PPM1B: variants seen among roughly 807,000 people sequenced by gnomAD.
The protein encoded by PPM1B is protein phosphatase, Mg2+/Mn2+ dependent 1B.
Under a neutral mutation model 43.0 loss-of-function variants are expected in PPM1B, and 22 were observed. The ratio of observed to expected loss-of-function variants is 0.51; its 90% CI spans 0.37 to 0.73. The LOEUF is 0.73. Ranked by LOEUF, PPM1B falls within the 30% of genes least tolerant of loss-of-function variation. PPM1B has a pLI of 0.00. For missense variants in PPM1B, 632 were observed against 584.2 expected (o/e 1.08, Z -0.84); for synonymous variants, 217 against 197.9 (o/e 1.10, Z -0.81).
intron 3 of PPM1B, among the ~76,000 whole-genome samples, chr2:44,211,482 G>A (rs924796682): frequency 6.6e-6 from 1 of 152,256 alleles, no homozygotes; most frequent in East Asian, 1.9e-4. Flanking sequence ...AATCAGGGAG[G>A]CATGTGATGT....
rs1034743003 is a variant in PPM1B at position 44,183,952 on chromosome 2, A to G, written c.-15+14678A>G. ...ATGGGGTTTCACCGTGTTAGCCAGTATGGTCTCGATCTCCTGACCTCGTGA... is the reference window on the plus strand; with the variant it reads ...ATGGGGTTTCACCGTGTTAGCCAGTGTGGTCTCGATCTCCTGACCTCGTGA... On this transcript the variant is annotated intron_variant, in intron 1 of 5. Coordinates refer to ENST00000282412, the MANE Select transcript of PPM1B (RefSeq NM_002706.6). Among the ~76,000 whole-genome samples the G allele has an allele frequency of 2.6e-5, 4 of 152,060 alleles. No individual in the cohort carries two copies. In the South Asian group the frequency reaches 6.2e-4, roughly 24 times the overall value.
intron 1 of PPM1B, among the ~76,000 whole-genome samples, chr2:44,175,258 A>AG (rs1283765061): frequency 6.6e-5 from 10 of 151,826 alleles, no homozygotes; most frequent in Admixed American, 3.3e-4. Flanking sequence ...TCTCAAAAAA[A>AG]ACAAAAGTGG....
At chr2:44,171,193 G>A (rs1667324398) in intron 1 of PPM1B, among the ~76,000 whole-genome samples, 2 of 152,172 alleles carry the variant, frequency 1.3e-5, no homozygotes, top group Admixed American at 1.3e-4. Flanking sequence ...TACACTGGGT[G>A]TCTGATTTCT....
chr2:44,230,276 TATTTA>T, intron 5 of PPM1B, 132 bp from the exon 6 acceptor site: 1 of 1,481,428 alleles, frequency 6.8e-7, no homozygotes, highest in Non-Finnish European at 9.0e-7. Context: ...TAAGAATTGA[TATTTA>T]ATAAAATGTT....
chr2:44,237,054 T>C (rs1670642099), downstream of PPM1B, among the ~76,000 whole-genome samples: 1 of 152,244 alleles, frequency 6.6e-6, no homozygotes, highest in South Asian at 2.1e-4. Flanking sequence ...ATTCAAGCAA[T>C]GATTTAATTT....
rs1223606465 is a variant in PPM1B, at chr2:44,185,847, A to G, written c.-14-15339A>G. ...AAAATATCTCTTAAACAATTATTCA[A>G]GCCCTTTTGAATGTCAGTTATGATT... On this transcript the variant is annotated intron_variant, in intron 1 of 5. Transcript: ENST00000282412. Among the ~76,000 whole-genome samples the G allele has an allele frequency of 6.6e-5, 10 of 152,334 alleles. 1 individual carries two copies. The South Asian group carries it at 1.9e-3, about 28-fold the overall frequency.
Position 44,209,219 on chromosome 2 carries a change from G to A in PPM1B, c.856G>A (p.Asp286Asn). The change falls in exon 3 of 6, where the codon GAT (aspartate) becomes AAT (asparagine). Residue 286 changes from aspartate to asparagine, a missense_variant. Transcript: ENST00000282412. Reference sequence around the variant, plus strand: ...TTTCTTTAATACACAGGGAAGTCGAGATAACATGAGTATTGTACTAGTTTG... The same window carrying A: ...TTTCTTTAATACACAGGGAAGTCGAAATAACATGAGTATTGTACTAGTTTG... ...VDTCLHKGSR[D>N]NMSIVLVCFS... 1 of 1,595,058 alleles carries A rather than the reference G, an allele frequency of 6.3e-7. No individual in the cohort carries two copies. Among genetic ancestry groups the A allele is most frequent in the Non-Finnish European group, 8.5e-7 (1 of 1,172,000 alleles).
intron 1 of PPM1B, among the ~76,000 whole-genome samples, chr2:44,199,359 C>T (rs1227354946): frequency 6.7e-6 from 1 of 149,154 alleles, no homozygotes; most frequent in African/African-American, 2.5e-5. Flanking sequence ...TATGGTGGCA[C>T]GTGCCTGTAG....
intron 3 of PPM1B, among the ~76,000 whole-genome samples, chr2:44,216,010 G>C (rs1355541567): frequency 6.6e-6 from 1 of 152,204 alleles, no homozygotes; most frequent in Non-Finnish European, 1.5e-5. Flanking sequence ...TAGAAAACTA[G>C]AGGAAAATTA....
chr2:44,207,789 C>T (rs1669257770), intron 2 of PPM1B, among the ~76,000 whole-genome samples: 2 of 151,884 alleles, frequency 1.3e-5, no homozygotes, highest in East Asian at 1.9e-4. Flanking sequence ...TGCCATGATG[C>T]CCAGGCTGGT....
At chr2:44,183,061 A>G (rs1250450662) in intron 1 of PPM1B, among the ~76,000 whole-genome samples, 1 of 152,156 alleles carries the variant, frequency 6.6e-6, no homozygotes, top group South Asian at 2.1e-4. Flanking sequence ...GTGAGTAGCT[A>G]TTGGTGATGT....
At chr2:44,224,090 C>T (rs922199951) in intron 5 of PPM1B, among the ~76,000 whole-genome samples, 8 of 152,000 alleles carry the variant, frequency 5.3e-5, no homozygotes, top group African/African-American at 1.4e-4. Flanking sequence ...ACAAGCAGCA[C>T]GTAGGACTTC....
chr2:44,194,615 T>G (rs540351881), intron 1 of PPM1B, among the ~76,000 whole-genome samples: 2 of 151,860 alleles, frequency 1.3e-5, no homozygotes, highest in African/African-American at 4.8e-5. Context: ...CCCAGCTACT[T>G]GGGAGGCTGA....
In PPM1B at chr2:44,189,449, G is replaced by C. The variant is rs1347107397; in HGVS notation, c.-14-11737G>C. ...GCAGTTCTAACTTGCTAAGCTGCTG[G>C]TCCTTCCATTCTTTTTTATTTTTAT... On this transcript the variant is annotated intron_variant, in intron 1 of 5. Coordinates refer to ENST00000282412, the MANE Select transcript of PPM1B (RefSeq NM_002706.6). Among the ~76,000 whole-genome samples the C allele has an allele frequency of 2.0e-5, 3 of 152,050 alleles. No homozygotes were observed. In the East Asian group the frequency reaches 5.8e-4, roughly 29 times the overall value.
Position 44,214,704 on chromosome 2 carries a change from C to T in PPM1B, c.965-3263C>T, listed in dbSNP as rs187408019. Reference sequence around the variant, plus strand: ...CCAGGCTAAAATATCCAGAGTGGTCCTATATCAAGTGTGTGGGGGTTTTCA... The same window carrying T: ...CCAGGCTAAAATATCCAGAGTGGTCTTATATCAAGTGTGTGGGGGTTTTCA... On this transcript the variant is annotated intron_variant, in intron 3 of 5. Transcript: ENST00000282412. Among the ~76,000 whole-genome samples, 584 of 152,022 alleles carry T rather than the reference C, an allele frequency of 3.8e-3. 1 individual carries two copies. Among genetic ancestry groups the T allele is most frequent in the African/African-American group, 0.014 (560 of 41,460 alleles).
chr2:44,227,922 CTTTTTT>C lies in PPM1B; in HGVS notation c.1135-2479_1135-2474del, dbSNP rs59259343. ...AGCACTTTTTTTTTCTTTTTCTTTT[CTTTTTT>C]TTTTTTTTTTTGAGATAGAGTCTCA... On this transcript the variant is annotated intron_variant, in intron 5 of 5. Coordinates refer to ENST00000282412, the MANE Select transcript of PPM1B (RefSeq NM_002706.6). 5.6e-5 allele frequency among the ~76,000 whole-genome samples: 6 copies of C among 106,780 alleles called. No homozygotes were observed. In the South Asian group the frequency reaches 1.7e-3, roughly 30 times the overall value. 70.1% of individuals were successfully genotyped at this position (106,780 alleles called of 152,430 possible).
At chr2:44,194,317 A>T (rs1014239200) in intron 1 of PPM1B, among the ~76,000 whole-genome samples, 2 of 152,114 alleles carry the variant, frequency 1.3e-5, no homozygotes, top group Admixed American at 6.5e-5. Context: ...TTTATGGAGT[A>T]TTCCTGTGTG....
At chr2:44,189,875 T>C (rs1234683236) in intron 1 of PPM1B, among the ~76,000 whole-genome samples, 1 of 152,250 alleles carries the variant, frequency 6.6e-6, no homozygotes, top group Admixed American at 6.5e-5. Context: ...CTCTTAATTT[T>C]TCATTGCTTC....
rs189481341 is a variant in PPM1B at position 44,176,406 on chromosome 2, T to C, written c.-15+7132T>C. Among the ~76,000 whole-genome samples, 419 of 152,372 alleles carry C rather than the reference T, an allele frequency of 2.7e-3. 2 individuals are homozygous for C. The highest frequency in any genetic ancestry group is 4.8e-3 in the Non-Finnish European group (329 of 68,042). ...CTGGTACTGATTTGTAATGGCTACT[T>C]TTGTGCTCTTAGCAAAGATGGCTAA... On this transcript the variant is annotated intron_variant, in intron 1 of 5. Coordinates refer to ENST00000282412, the MANE Select transcript of PPM1B (RefSeq NM_002706.6).
Sources: allele counts gnomAD v4.1 joint callset (sites outside exome capture counted in the v4.1 genomes callset), GRCh38; gene constraint gnomAD v4.1.1; transcripts MANE v1.5; gene names NCBI Gene and HGNC (gene_info 2026-07-23, HGNC 2026-07-21).